STRIP2: variants seen among roughly 807,000 people sequenced by gnomAD.
STRIP2 encodes the protein striatin-interacting protein 2.
In STRIP2, 84 loss-of-function variants were observed where a neutral mutation model predicts 107.1. The observed-to-expected ratio is 0.78, with a 90% CI of 0.66 to 0.94. STRIP2 has a LOEUF of 0.94. STRIP2 is among the 40% of genes least tolerant of loss of function. The pLI is 0.00. For synonymous variants in STRIP2, 394 were observed against 400.4 expected (o/e 0.98, Z 0.19); for missense variants, 888 against 1,034.2 (o/e 0.86, Z 1.94).
intron 18 of STRIP2, among the ~76,000 whole-genome samples, chr7:129,476,681 A>C (rs1038674173): frequency 6.9e-6 from 1 of 145,324 alleles, no homozygotes; most frequent in Non-Finnish European, 1.5e-5. Context: ...GGCACTCCTC[A>C]CTTCCCAGAC....
intron 3 of STRIP2, among the ~76,000 whole-genome samples, chr7:129,446,226 C>T (rs757438022): frequency 2.6e-4 from 40 of 152,162 alleles, no homozygotes; most frequent in Non-Finnish European, 3.8e-4. Context: ...AACGGGTCAT[C>T]CTATCCACTT....
At chr7:129,455,191 G>T in intron 7 of STRIP2, 53 bp from the exon 8 acceptor site, 1 of 1,563,946 alleles carries the variant, frequency 6.4e-7, no homozygotes, top group Non-Finnish European at 8.6e-7. Flanking sequence ...ACATGAAAAA[G>T]GTTTTAGCTG....
chr7:129,477,213 G>GGGGGGGGAGGGAGAGGGA (rs1798991594), intron 18 of STRIP2, among the ~76,000 whole-genome samples: 1 of 29,100 alleles, frequency 3.4e-5, no homozygotes, highest in Non-Finnish European at 6.9e-5. Flanking sequence ...AGGGGGAGGG[G>GGGGGGGGAGGGAGAGGGA]GAGGGAGACT....
rs1798525112 is a variant in STRIP2 at position 129,461,236 on chromosome 7, T to G, written c.1476+864T>G. Among the ~76,000 whole-genome samples the G allele has an allele frequency of 6.6e-6, 1 of 152,200 alleles. No individual in the cohort carries two copies. Among genetic ancestry groups the G allele is most frequent in the Admixed American group, 6.5e-5 (1 of 15,288 alleles). Reference sequence around the variant, plus strand: ...ATCAAGAGTTCTGTTTTGGTCATACTAAGTTTTAGATGCCCATTAGATACC... The same window carrying G: ...ATCAAGAGTTCTGTTTTGGTCATACGAAGTTTTAGATGCCCATTAGATACC... On this transcript the variant is annotated intron_variant, in intron 13 of 20. Coordinates refer to ENST00000249344, the MANE Select transcript of STRIP2 (RefSeq NM_020704.3). This position sits in a 1 kb window ranked among gnomAD's most constrained non-coding sequence, Gnocchi z 4.0.
chr7:129,446,892 T>G (rs530592990), intron 3 of STRIP2, among the ~76,000 whole-genome samples: 1 of 152,310 alleles, frequency 6.6e-6, no homozygotes, highest in South Asian at 2.1e-4. Flanking sequence ...TGATAGGCAG[T>G]TGAGGTCGCA....
At chr7:129,447,938 C>T (rs1385129467) in intron 3 of STRIP2, among the ~76,000 whole-genome samples, 1 of 152,144 alleles carries the variant, frequency 6.6e-6, no homozygotes, top group Non-Finnish European at 1.5e-5. Flanking sequence ...CTTTCAAGTC[C>T]TTGATGATGG....
Position 129,455,378 on chromosome 7 carries a change from A to T in STRIP2, c.834+7A>T, listed in dbSNP as rs1407419898. ...GCTCTGGAAGGTGGTCATGGTGAGT[A>T]ATTCTCCCCACTCCCACATTATCAG... On this transcript the variant is annotated splice_region_variant and intron_variant, in intron 8 of 20. Coordinates refer to ENST00000249344, the MANE Select transcript of STRIP2 (RefSeq NM_020704.3). 6.2e-7 allele frequency: 1 copy of T among 1,611,024 alleles called. No homozygotes were observed. Among genetic ancestry groups the T allele is most frequent in the African/African-American group, 1.3e-5 (1 of 74,730 alleles).
intron 2 of STRIP2, 54 bp downstream of exon 2, chr7:129,440,145 AGGGG>A: frequency 1.1e-4 from 161 of 1,488,606 alleles, no homozygotes; most frequent in Non-Finnish European, 1.4e-4. Context: ...AGGAGAGGGA[AGGGG>A]CCTGTGATCT....
intron 15 of STRIP2, 124 bp from the exon 16 acceptor site, chr7:129,464,488 A>T: frequency 9.5e-7 from 1 of 1,057,024 alleles, no homozygotes; most frequent in East Asian, 2.4e-5. Context: ...TCCCTGGCAC[A>T]GAAGTTCAAG....
chr7:129,456,142 TTTTTTTTC>T (rs1310346079), intron 8 of STRIP2, among the ~76,000 whole-genome samples: 66 of 90,714 alleles, frequency 7.3e-4, no homozygotes, highest in Admixed American at 6.3e-3. Context: ...CGATAGTTTC[TTTTTTTTC>T]TTTTTTTTTT....
intron 12 of STRIP2, among the ~76,000 whole-genome samples, chr7:129,460,003 G>A (rs1271238146): frequency 2.0e-5 from 3 of 152,130 alleles, no homozygotes; most frequent in Non-Finnish European, 4.4e-5. Context: ...TGGTCCAGGG[G>A]CAGGGGCCTG....
chr7:129,477,542 G>A (rs1799003450), intron 18 of STRIP2, among the ~76,000 whole-genome samples: 1 of 152,052 alleles, frequency 6.6e-6, no homozygotes, highest in Non-Finnish European at 1.5e-5. Flanking sequence ...CCTTACTGGG[G>A]CACTTGTAGT....
chr7:129,467,037 G>A (rs941895856), intron 16 of STRIP2, among the ~76,000 whole-genome samples: 19 of 152,182 alleles, frequency 1.2e-4, no homozygotes, highest in Admixed American at 1.2e-3. Context: ...CGACTCCCTC[G>A]GGGAGCCTTC....
chr7:129,466,325 A>G (rs1050752742), intron 16 of STRIP2, among the ~76,000 whole-genome samples: 1 of 152,068 alleles, frequency 6.6e-6, no homozygotes, highest in Non-Finnish European at 1.5e-5. Context: ...GGATTTTACA[A>G]ATAAAATAAA....
intron 12 of STRIP2, 88 bp from the exon 13 acceptor site, chr7:129,460,213 T>C (rs1798492468): frequency 8.4e-7 from 1 of 1,191,382 alleles, no homozygotes. Flanking sequence ...GCAGAACATT[T>C]CCTTGCTTTT....
chr7:129,462,616 C>T (rs1038729317), intron 13 of STRIP2, among the ~76,000 whole-genome samples: 2 of 152,194 alleles, frequency 1.3e-5, no homozygotes, highest in Non-Finnish European at 2.9e-5. Flanking sequence ...TCCTTTTAAA[C>T]CCACACTATT....
intron 18 of STRIP2, among the ~76,000 whole-genome samples, chr7:129,475,309 A>G (rs571597273): frequency 6.6e-6 from 1 of 152,044 alleles, no homozygotes; most frequent in South Asian, 2.1e-4. Flanking sequence ...TAAATATTTT[A>G]TATGTATTAT....
intron 2 of STRIP2, among the ~76,000 whole-genome samples, chr7:129,443,784 G>T (rs1460383307): frequency 6.6e-6 from 1 of 152,206 alleles, no homozygotes; most frequent in Non-Finnish European, 1.5e-5. Flanking sequence ...ACCAAATGTT[G>T]AAGGCTGCCT....
intron 19 of STRIP2, among the ~76,000 whole-genome samples, chr7:129,482,400 C>T (rs1390099472): frequency 3.4e-5 from 3 of 87,410 alleles, no homozygotes; most frequent in Middle Eastern, 0.012. Flanking sequence ...TTTTTTGAGA[C>T]GGAGTCTTGC....
Sources: gnomAD v4.1 joint callset for allele counts (sites outside exome capture counted in the v4.1 genomes callset) on GRCh38, gnomAD v4.1.1 for gene constraint, Gnocchi (gnomAD v3.1) non-coding constraint, MANE v1.5 for transcripts, NCBI Gene and HGNC (gene_info 2026-07-23, HGNC 2026-07-21) for gene names.